Variants in PPP2R2A observed in about 807,000 individuals in gnomAD.
PPP2R2A encodes the protein serine/threonine-protein phosphatase 2A 55 kDa regulatory subunit B alpha isoform.
PPP2R2A carries 9 observed loss-of-function variants against 53.2 expected under a neutral mutation model. That is an observed-to-expected ratio of 0.17 (90% CI 0.10 to 0.30). The LOEUF (loss-of-function observed/expected upper bound fraction) is 0.30, where lower values mean the gene tolerates loss of function less well. Among genes scored for constraint, PPP2R2A ranks in the 10% least tolerant of loss-of-function variants. PPP2R2A has a pLI of 1.00. For synonymous variants in PPP2R2A, 169 were observed against 174.2 expected, an observed-to-expected ratio of 0.97 and a Z score of 0.23; for missense variants, 235 against 534.6, an observed-to-expected ratio of 0.44 and a Z score of 5.53.
At chr8:26,303,642 A>G (rs1801886236) in intron 2 of PPP2R2A, among the ~76,000 whole-genome samples, 2 of 152,220 alleles carry the variant, frequency 1.3e-5, no homozygotes, top group Non-Finnish European at 2.9e-5. Context: ...ATGTAGTATC[A>G]ACTATTGCTT....
chr8:26,302,376 G>T (rs1163273665), intron 2 of PPP2R2A, among the ~76,000 whole-genome samples: 1 of 152,138 alleles, frequency 6.6e-6, no homozygotes, highest in Non-Finnish European at 1.5e-5. Context: ...TCATATTAAC[G>T]AATGTGATTT....
At position 26,370,120 on chromosome 8, in the gene PPP2R2A, GTCTA is replaced by G. The variant is rs1255102972; in HGVS notation, c.1065-12_1065-9del. 1.2e-6 allele frequency: 2 copies of G among 1,610,258 alleles called. No homozygotes were observed. The highest frequency in any genetic ancestry group is 4.5e-5 in the East Asian group (2 of 44,772). ...TTCTGCTTGTTTGACTGAGTGTACT[GTCTA>G]TTTTCACAGTGTTGTCATGACTGGA... On this transcript the variant is annotated splice_polypyrimidine_tract_variant and intron_variant, in intron 9 of 9. Transcript: ENST00000380737. This position sits in a 1 kb window ranked among gnomAD's most constrained non-coding sequence, Gnocchi z 6.1.
At chr8:26,307,918 T>C (rs1802097027) in intron 2 of PPP2R2A, among the ~76,000 whole-genome samples, 1 of 152,224 alleles carries the variant, frequency 6.6e-6, no homozygotes, top group Non-Finnish European at 1.5e-5. Context: ...GCCCATGTAC[T>C]ATATGTAAAT....
intron 3 of PPP2R2A, among the ~76,000 whole-genome samples, chr8:26,353,925 A>G (rs1256671781): frequency 6.6e-6 from 1 of 152,174 alleles, no homozygotes; most frequent in African/African-American, 2.4e-5. Flanking sequence ...GTAGGGGTCA[A>G]ATGGTATCCC....
At chr8:26,326,950 T>G (rs1803119376) in intron 2 of PPP2R2A, among the ~76,000 whole-genome samples, 1 of 152,258 alleles carries the variant, frequency 6.6e-6, no homozygotes, top group South Asian at 2.1e-4. Context: ...TGTTCTTGGT[T>G]GCAGTAGGAT....
chr8:26,297,521 A>G (rs1415021986), intron 2 of PPP2R2A, among the ~76,000 whole-genome samples: 1 of 152,204 alleles, frequency 6.6e-6, no homozygotes, highest in Non-Finnish European at 1.5e-5. Flanking sequence ...TTACATTTTT[A>G]ATTTTTCTTT....
intron 3 of PPP2R2A, among the ~76,000 whole-genome samples, chr8:26,345,914 C>T (rs1174191858): frequency 1.3e-5 from 2 of 152,060 alleles, no homozygotes; most frequent in South Asian, 2.1e-4. Context: ...CTTTTTCTCA[C>T]GAGGCATTAT....
chr8:26,304,938 A>G (rs10086469), intron 2 of PPP2R2A, among the ~76,000 whole-genome samples: 5,732 of 152,280 alleles, frequency 0.038, 141 homozygotes, highest in Middle Eastern at 0.065. Flanking sequence ...TAGAAAACAT[A>G]TAACATTAAA....
chr8:26,296,881 T>C (rs1358418720), intron 2 of PPP2R2A, among the ~76,000 whole-genome samples: 2 of 152,200 alleles, frequency 1.3e-5, no homozygotes, highest in African/African-American at 4.8e-5. Context: ...ATCGGTAGGC[T>C]TTTTATAACC....
chr8:26,369,258 ACT>A lies in PPP2R2A; in HGVS notation c.1065-873_1065-872del, dbSNP rs534352896. Among the ~76,000 whole-genome samples the A allele has an allele frequency of 1.5e-3, 224 of 152,038 alleles. 2 individuals carry two copies. Among genetic ancestry groups the A allele is most frequent in the African/African-American group, 4.7e-3 (195 of 41,490 alleles). The stretch of plus-strand genomic sequence containing the variant: ...TTATTTATTTATGAGACAGAGTCTC[ACT>A]CTGTCACCCAGGCTGGAGTGCAGTG... On this transcript the variant is annotated intron_variant, in intron 9 of 9. Coordinates refer to ENST00000380737, the MANE Select transcript of PPP2R2A (RefSeq NM_002717.4).
At chr8:26,314,582 A>G (rs1802448220) in intron 2 of PPP2R2A, among the ~76,000 whole-genome samples, 1 of 152,190 alleles carries the variant, frequency 6.6e-6, no homozygotes, top group Admixed American at 6.5e-5. Context: ...AGATGTCTTT[A>G]TTCTACTTCC....
chr8:26,320,178 C>G (rs540575412), intron 2 of PPP2R2A, among the ~76,000 whole-genome samples: 1 of 152,150 alleles, frequency 6.6e-6, no homozygotes, highest in South Asian at 2.1e-4. Context: ...TTGGTTATAT[C>G]CTGTACAGCC....
intron 4 of PPP2R2A, among the ~76,000 whole-genome samples, chr8:26,359,729 G>T (rs1361942761): frequency 6.6e-6 from 1 of 152,184 alleles, no homozygotes; most frequent in Non-Finnish European, 1.5e-5. Flanking sequence ...GAGCAAGGGA[G>T]AGCAGCTTTA....
At chr8:26,355,863 C>T (rs556996110) in intron 4 of PPP2R2A, among the ~76,000 whole-genome samples, 2,126 of 88,920 alleles carry the variant, frequency 0.024, 33 homozygotes, top group South Asian at 0.13. Context: ...GAGCGAGACT[C>T]GTCTCAAAAA....
intron 3 of PPP2R2A, among the ~76,000 whole-genome samples, chr8:26,341,405 A>G (rs1309234238): frequency 6.6e-6 from 1 of 152,076 alleles, no homozygotes; most frequent in African/African-American, 2.4e-5. Context: ...ATGAATTCAC[A>G]TCTAGAGGCA....
intron 3 of PPP2R2A, chr8:26,350,542 AG>A (rs1416182513): frequency 1.3e-5 from 2 of 152,124 alleles, no homozygotes; most frequent in Non-Finnish European, 2.9e-5. Flanking sequence ...CTGAGACTAC[AG>A]GCGTGCACTG....
chr8:26,323,060 C>G (rs1014002836), intron 2 of PPP2R2A, among the ~76,000 whole-genome samples: 3 of 152,196 alleles, frequency 2.0e-5, no homozygotes, highest in Non-Finnish European at 4.4e-5. Flanking sequence ...ACTAGAAGTT[C>G]CTGTGCAGTC....
chr8:26,330,684 G>A (rs1803324660), intron 2 of PPP2R2A, among the ~76,000 whole-genome samples: 1 of 151,924 alleles, frequency 6.6e-6, no homozygotes. Flanking sequence ...TGTCTGCTAG[G>A]ACCTTAATTC....
At position 26,339,007 on chromosome 8, in the gene PPP2R2A, T is replaced by C; in HGVS notation, c.180+20T>C. The C allele has an allele frequency of 6.5e-7, 1 of 1,548,090 alleles. No individual in the cohort carries two copies. Among genetic ancestry groups the C allele is most frequent in the Non-Finnish European group, 8.9e-7 (1 of 1,122,858 alleles). On this transcript the variant is annotated intron_variant, in intron 3 of 9. Transcript: ENST00000380737. The stretch of plus-strand genomic sequence containing the variant: ...CAGGAGGTAAGTGTTTAAAGTTTAT[T>C]GTCTAAATTTCAGTTTGATCTTAGG...
Sources: allele counts gnomAD v4.1 joint callset (sites outside exome capture counted in the v4.1 genomes callset), GRCh38; gene constraint gnomAD v4.1.1; non-coding constraint Gnocchi (gnomAD v3.1); transcripts MANE v1.5; gene names NCBI Gene and HGNC (gene_info 2026-07-23, HGNC 2026-07-21).